Variants in PLCL2 observed in about 807,000 individuals in gnomAD.
The protein encoded by PLCL2 is inactive phospholipase C-like protein 2.
Under a neutral mutation model 79.6 loss-of-function variants are expected in PLCL2, and 4 were observed. That is an observed-to-expected ratio of 0.05 (90% CI 0.02 to 0.11). PLCL2 has a LOEUF of 0.11. Ranked by LOEUF, PLCL2 falls within the 10% of genes least tolerant of loss-of-function variation. PLCL2 has a pLI of 1.00. For missense variants in PLCL2, 895 were observed against 1,291.0 expected (o/e 0.69, Z 4.70); for synonymous variants, 484 against 457.7 (o/e 1.06, Z -0.73).
At chr3:17,063,612 A>G (rs2064978101) in intron 4 of PLCL2, among the ~76,000 whole-genome samples, 1 of 151,926 alleles carries the variant, frequency 6.6e-6, no homozygotes, top group South Asian at 2.1e-4. Flanking sequence ...GAGATGCACT[A>G]TCTAGTCTCC....
Position 17,030,754 on chromosome 3 carries a change from T to G in PLCL2, c.3019-12120T>G, listed in dbSNP as rs572249846. 4.0e-4 allele frequency among the ~76,000 whole-genome samples: 61 copies of G among 152,306 alleles called. 1 individual carries two copies. The highest frequency in any genetic ancestry group is 2.2e-3 in the Admixed American group (34 of 15,302). ...GTTTAAAAAAAGTATTGCTTTTCAT[T>G]ACAGAGAAGTCTTCAATTGCTTTCC... On this transcript the variant is annotated intron_variant, in intron 3 of 5. Coordinates refer to ENST00000615277, the MANE Select transcript of PLCL2 (RefSeq NM_001144382.2).
chr3:17,061,257 C>T (rs1199684820), intron 4 of PLCL2, among the ~76,000 whole-genome samples: 1 of 152,122 alleles, frequency 6.6e-6, no homozygotes. Flanking sequence ...CCTTTCAAAG[C>T]AAAAGCCTCT....
intron 3 of PLCL2, among the ~76,000 whole-genome samples, chr3:17,021,740 T>G (rs1028503996): frequency 6.6e-6 from 1 of 152,124 alleles, no homozygotes; most frequent in African/African-American, 2.4e-5. Flanking sequence ...TTTTATCCAT[T>G]AAGTTGGATA....
intron 1 of PLCL2, among the ~76,000 whole-genome samples, chr3:16,935,675 G>A (rs1697521990): frequency 1.3e-5 from 2 of 152,100 alleles, no homozygotes; most frequent in Admixed American, 1.3e-4. Flanking sequence ...GTTTTAGAGA[G>A]TAATAATATT....
chr3:17,007,276 AC>A (rs2064271260), intron 1 of PLCL2, among the ~76,000 whole-genome samples: 1 of 152,014 alleles, frequency 6.6e-6, no homozygotes, highest in Non-Finnish European at 1.5e-5. Context: ...ACATGGTGAA[AC>A]CCCGTCTCTA....
At chr3:16,981,860 G>A (rs2064002051) in intron 1 of PLCL2, among the ~76,000 whole-genome samples, 1 of 152,164 alleles carries the variant, frequency 6.6e-6, no homozygotes, top group Admixed American at 6.5e-5. Context: ...CAAAAATTTA[G>A]TATCTGACTA....
chr3:17,060,566 G>A (rs1256159177), intron 4 of PLCL2, among the ~76,000 whole-genome samples: 3 of 152,184 alleles, frequency 2.0e-5, no homozygotes, highest in Non-Finnish European at 4.4e-5. Context: ...GACCTCCGGA[G>A]TTTTGAGGCA....
chr3:17,028,656 G>GT (rs957352375), intron 3 of PLCL2, among the ~76,000 whole-genome samples: 12 of 151,584 alleles, frequency 7.9e-5, no homozygotes, highest in South Asian at 2.1e-4. Flanking sequence ...TTGTTGTTTT[G>GT]TTTTTTTGCA....
intron 1 of PLCL2, among the ~76,000 whole-genome samples, chr3:16,991,350 C>T (rs149384574): frequency 2.6e-5 from 4 of 152,246 alleles, no homozygotes; most frequent in South Asian, 2.1e-4. Context: ...CTGCATTTAA[C>T]GGCAGACAGT....
At chr3:16,952,360 CAAAAA>C (rs35421244) in intron 1 of PLCL2, among the ~76,000 whole-genome samples, 15 of 22,612 alleles carry the variant, frequency 6.6e-4, no homozygotes, top group African/African-American at 2.4e-3. Context: ...GAACTTAAAG[CAAAAA>C]AAAAAAAAAA....
chr3:16,971,836 T>A (rs1289505040), intron 1 of PLCL2, among the ~76,000 whole-genome samples: 1 of 152,174 alleles, frequency 6.6e-6, no homozygotes, highest in Non-Finnish European at 1.5e-5. Flanking sequence ...TCACTCATGA[T>A]TTGGCTCTCT....
intron 2 of PLCL2, among the ~76,000 whole-genome samples, chr3:17,013,533 T>C (rs1470126389): frequency 6.6e-6 from 1 of 152,246 alleles, no homozygotes; most frequent in Admixed American, 6.5e-5. Context: ...ATCACAGTCA[T>C]GATTGATTTC....
intron 1 of PLCL2, among the ~76,000 whole-genome samples, chr3:16,925,039 T>A (rs1004393539): frequency 2.0e-5 from 3 of 151,906 alleles, no homozygotes; most frequent in African/African-American, 7.3e-5. Context: ...TTCTCCTGCC[T>A]CAGCCTCCCG....
At chr3:17,017,253 A>G (rs1167958912) in intron 3 of PLCL2, among the ~76,000 whole-genome samples, 1 of 152,200 alleles carries the variant, frequency 6.6e-6, no homozygotes, top group South Asian at 2.1e-4. Flanking sequence ...GCTTGCTTAA[A>G]ATTTTTAAAT....
At chr3:16,889,562 G>A (rs192950167) in intron 1 of PLCL2, among the ~76,000 whole-genome samples, 196 of 152,226 alleles carry the variant, frequency 1.3e-3, no homozygotes, top group African/African-American at 4.4e-3. Context: ...ATTTTTCTTA[G>A]TATCATTATT....
chr3:16,959,564 C>T (rs2063736501), intron 1 of PLCL2, among the ~76,000 whole-genome samples: 1 of 152,084 alleles, frequency 6.6e-6, no homozygotes, highest in Non-Finnish European at 1.5e-5. Flanking sequence ...CGTGCATCAC[C>T]TTCCCTCAGG....
At chr3:17,005,018 A>G (rs1214416088) in intron 1 of PLCL2, among the ~76,000 whole-genome samples, 1 of 151,978 alleles carries the variant, frequency 6.6e-6, no homozygotes, top group Non-Finnish European at 1.5e-5. Flanking sequence ...CTAGCCCCAC[A>G]CCAGAATGAC....
chr3:16,984,268 T>C (rs550880228), intron 1 of PLCL2, among the ~76,000 whole-genome samples: 10 of 152,310 alleles, frequency 6.6e-5, no homozygotes, highest in African/African-American at 2.4e-4. Context: ...CTAACAATTC[T>C]AAGAATAAGA....
In PLCL2 at chr3:17,014,700, T is replaced by C. The variant is rs781043460; in HGVS notation, c.2815-8T>C. On this transcript the variant is annotated splice_region_variant and splice_polypyrimidine_tract_variant and intron_variant, in intron 2 of 5. Transcript: ENST00000615277. ...AATTACAAATGCTCCTTTCATTCCA[T>C]TTAACAGAATGCGGTGGTGTCATTC... The C allele has an allele frequency of 1.2e-5, 19 of 1,606,770 alleles. No homozygotes were observed. The highest frequency in any genetic ancestry group is 1.5e-5 in the Non-Finnish European group (18 of 1,173,464).
Sources: gnomAD v4.1 joint callset for allele counts (sites outside exome capture counted in the v4.1 genomes callset) on GRCh38, gnomAD v4.1.1 for gene constraint, MANE v1.5 for transcripts, NCBI Gene and HGNC (gene_info 2026-07-23, HGNC 2026-07-21) for gene names.